ABCC9: variants seen among roughly 807,000 people sequenced by gnomAD.
ABCC9 encodes the protein ATP-binding cassette sub-family C member 9.
ABCC9 carries 95 observed loss-of-function variants against 188.3 expected under a neutral mutation model. The ratio of observed to expected loss-of-function variants is 0.50; its 90% CI spans 0.43 to 0.60. ABCC9 has a LOEUF of 0.60. ABCC9 is among the 20% of genes least tolerant of loss of function. The pLI, the probability that ABCC9 is intolerant of heterozygous loss-of-function variation, is 0.00. For synonymous variants in ABCC9, 659 were observed against 652.7 expected (o/e 1.01, Z -0.15); for missense variants, 1,102 against 1,876.3 (o/e 0.59, Z 7.62).
chr12:21,849,080 T>C (rs993143597), intron 24 of ABCC9, among the ~76,000 whole-genome samples: 1 of 152,066 alleles, frequency 6.6e-6, no homozygotes, highest in African/African-American at 2.4e-5. Context: ...ACCAACCATT[T>C]CCCCTTTTCT....
chr12:21,866,609 A>G (rs1167256693), intron 18 of ABCC9, among the ~76,000 whole-genome samples: 3 of 152,332 alleles, frequency 2.0e-5, no homozygotes, highest in East Asian at 3.9e-4. Context: ...TAATACAATG[A>G]TTTGCATATA....
At chr12:21,843,847 A>C (rs1042651351) in intron 28 of ABCC9, among the ~76,000 whole-genome samples, 11 of 152,210 alleles carry the variant, frequency 7.2e-5, no homozygotes, top group African/African-American at 2.7e-4. Context: ...ATTGAGGGCC[A>C]TTTCGGTATT....
Position 21,812,054 on chromosome 12 carries a change from G to C in ABCC9, c.4206C>G (p.Ser1402=). Residue 1402 remains serine (S), a synonymous_variant, in exon 36 of 40, where the codon TCC becomes TCG. Coordinates refer to ENST00000261200, the MANE Select transcript of ABCC9 (RefSeq NM_020297.4). ...ILQDPILFSG[S]IRFNLDPECK... is the part of the protein sequence containing the mutation. Reference sequence around the variant, plus strand: ...TTGCTAAATATGTTACCTACCTAATGGAACCACTGAATAGTATTGGATCCT... The same window carrying C: ...TTGCTAAATATGTTACCTACCTAATCGAACCACTGAATAGTATTGGATCCT... 1 of 1,601,888 alleles carries C rather than the reference G, an allele frequency of 6.2e-7. No homozygotes were observed. Among genetic ancestry groups the C allele is most frequent in the Non-Finnish European group, 8.6e-7 (1 of 1,169,096 alleles).
chr12:21,841,172 A>G (rs146002556), intron 29 of ABCC9, among the ~76,000 whole-genome samples: 4 of 152,286 alleles, frequency 2.6e-5, no homozygotes, highest in African/African-American at 9.6e-5. Context: ...AAACTTTACT[A>G]TACTATATAT....
intron 22 of ABCC9, among the ~76,000 whole-genome samples, chr12:21,853,649 A>G (rs1945080296): frequency 1.3e-5 from 2 of 152,164 alleles, no homozygotes; most frequent in Non-Finnish European, 2.9e-5. Flanking sequence ...CATACCTAAA[A>G]TGTTATATAG....
Position 21,801,172 on chromosome 12 carries a change from G to A in ABCC9, c.4522C>T (p.His1508Tyr), listed in dbSNP as rs918326565. ...RTVVTIAHRV[H>Y]TILTADLVIV... is the part of the protein sequence containing the mutation. ...ACCAGGTCTGCCGTCAGAATAGTGT[G>A]TACTCGATGCTGTGAGTGAAAAGAA... Residue 1508 changes from histidine (H) to tyrosine (Y), a missense_variant, in exon 40 of 40, where the codon CAC becomes TAC. This residue lies in a region of ABCC9 where 40 missense variants were observed against 105.5 expected (regional missense o/e 0.38). Coordinates refer to ENST00000261200, the MANE Select transcript of ABCC9 (RefSeq NM_020297.4). 1 of 1,613,846 alleles carries A rather than the reference G, an allele frequency of 6.2e-7. No homozygotes were observed. Among genetic ancestry groups the A allele is most frequent in the Non-Finnish European group, 8.5e-7 (1 of 1,179,910 alleles).
intron 37 of ABCC9, among the ~76,000 whole-genome samples, chr12:21,809,203 G>T (rs1035852094): frequency 6.6e-6 from 1 of 152,040 alleles, no homozygotes; most frequent in Non-Finnish European, 1.5e-5. Flanking sequence ...TGAACTCTCT[G>T]TGGTTTCAAT....
chr12:21,835,671 C>T (rs1026691714), intron 30 of ABCC9, among the ~76,000 whole-genome samples: 1 of 152,118 alleles, frequency 6.6e-6, no homozygotes, highest in Admixed American at 6.6e-5. Flanking sequence ...TCGTTAAGTG[C>T]TGGTAGTCTG....
chr12:21,814,787 T>G, intron 34 of ABCC9, 65 bp from the exon 35 acceptor site: 1 of 1,383,408 alleles, frequency 7.2e-7, no homozygotes, highest in Non-Finnish European at 1.0e-6. Context: ...TAGCTTAAGT[T>G]TTGTTTTTTA....
chr12:21,915,411 G>GTGTATATATGTGTGTATATAT (rs1565480999), intron 7 of ABCC9, among the ~76,000 whole-genome samples: 1 of 123,694 alleles, frequency 8.1e-6, no homozygotes, highest in Non-Finnish European at 1.6e-5. Context: ...TGTGTATATA[G>GTGTATATATGTGTGTATATAT]ACACGTGTAT....
chr12:21,832,837 G>A (rs1274573055), intron 30 of ABCC9, among the ~76,000 whole-genome samples: 2 of 152,116 alleles, frequency 1.3e-5, no homozygotes, highest in African/African-American at 2.4e-5. Context: ...GTTTATAGCA[G>A]CACAAGTTGC....
intron 22 of ABCC9, among the ~76,000 whole-genome samples, chr12:21,853,808 A>G (rs763576622): frequency 6.6e-6 from 1 of 152,180 alleles, no homozygotes; most frequent in African/African-American, 2.4e-5. Flanking sequence ...ATCACTCCTT[A>G]GAAGGACCAG....
intron 35 of ABCC9, among the ~76,000 whole-genome samples, chr12:21,812,427 T>C (rs1942304544): frequency 6.6e-6 from 1 of 152,134 alleles, no homozygotes; most frequent in African/African-American, 2.4e-5. Flanking sequence ...CTGTTCACAA[T>C]AGCAAAGACT....
rs1343844354 is a variant in ABCC9, at chr12:21,842,305, T to G, written c.3473+9A>C. On this transcript the variant is annotated intron_variant, in intron 29 of 39. Coordinates refer to ENST00000261200, the MANE Select transcript of ABCC9 (RefSeq NM_020297.4). ...CTTTTGAAAATGAGTGGGATGCTGT[T>G]TTACTTACTTAGAGGCAACCCGAAA... 1.2e-6 allele frequency: 2 copies of G among 1,612,872 alleles called. No individual in the cohort carries two copies. The highest frequency in any genetic ancestry group is 3.3e-5 in the Admixed American group (2 of 59,992).
At chr12:21,906,393 C>G in intron 11 of ABCC9, 105 bp from the exon 12 acceptor site, 1 of 1,168,764 alleles carries the variant, frequency 8.6e-7, no homozygotes, top group Non-Finnish European at 1.2e-6. Flanking sequence ...TTCAGACTGG[C>G]CCTGCCACTC....
rs551936547 is a variant in ABCC9 at position 21,918,219 on chromosome 12, TTAA to T, written c.407-1119_407-1117del. Among the ~76,000 whole-genome samples the T allele has an allele frequency of 3.4e-3, 521 of 152,066 alleles. 1 individual carries two copies. Among genetic ancestry groups the T allele is most frequent in the Non-Finnish European group, 5.8e-3 (394 of 67,962 alleles). On this transcript the variant is annotated intron_variant, in intron 5 of 39. Transcript: ENST00000261200. ...TTATTATCAGAAATAAAAAAGACTT[TTAA>T]TAATAATAAAAGTGTCCAGTTTTTA... is the stretch of plus-strand genomic sequence containing the variant.
At chr12:21,850,434 T>A (rs972631506) in intron 24 of ABCC9, among the ~76,000 whole-genome samples, 1 of 152,050 alleles carries the variant, frequency 6.6e-6, no homozygotes, top group Non-Finnish European at 1.5e-5. Context: ...TCTGGGCAGG[T>A]GCGTGATTCA....
At chr12:21,935,765 G>T (rs1949460715) in intron 3 of ABCC9, among the ~76,000 whole-genome samples, 1 of 151,932 alleles carries the variant, frequency 6.6e-6, no homozygotes. Flanking sequence ...GCGTTGGTAG[G>T]CTCAATGGAT....
intron 15 of ABCC9, 89 bp downstream of exon 15, chr12:21,887,737 A>C (rs1946951768): frequency 1.1e-6 from 1 of 901,674 alleles, no homozygotes; most frequent in Non-Finnish European, 1.9e-6. Flanking sequence ...TAAAGCTTAT[A>C]ATCTCTTCTA....
Sources: gnomAD v4.1 joint callset for allele counts (sites outside exome capture counted in the v4.1 genomes callset) on GRCh38, gnomAD v4.1.1 for gene constraint, gnomAD v4.1.1 regional missense constraint, MANE v1.5 for transcripts, NCBI Gene and HGNC (gene_info 2026-07-23, HGNC 2026-07-21) for gene names.